ATP8A2: variants seen among roughly 807,000 people sequenced by gnomAD.
The protein encoded by ATP8A2 is ATPase phospholipid transporting 8A2.
A neutral mutation model predicts 165.6 loss-of-function variants in ATP8A2; 100 were observed. The ratio of observed to expected loss-of-function variants is 0.60; its 90% CI spans 0.51 to 0.71. The LOEUF is 0.71. Ranked by LOEUF, ATP8A2 falls within the 30% of genes least tolerant of loss-of-function variation. ATP8A2 has a pLI of 0.00. For missense variants in ATP8A2, 1,227 were observed against 1,479.5 expected, an observed-to-expected ratio of 0.83 and a Z score of 2.80; for synonymous variants, 543 against 548.8, an observed-to-expected ratio of 0.99 and a Z score of 0.15.
Position 25,372,407 on chromosome 13 carries a change from G to A in ATP8A2, c.76+119G>A. 7 of 691,436 alleles carry A rather than the reference G, an allele frequency of 1.0e-5. No homozygotes were observed. The highest frequency in any genetic ancestry group is 1.2e-5 in the Non-Finnish European group (6 of 488,346). 42.8% of individuals were successfully genotyped at this position (691,436 alleles called of 1,614,324 possible). On this transcript the variant is annotated intron_variant, in intron 1 of 36. Coordinates refer to ENST00000381655, the MANE Select transcript of ATP8A2 (RefSeq NM_016529.6). The surrounding 1 kb of genome is among the most constrained non-coding windows in gnomAD (Gnocchi z 4.8). ...CCCGCTCCCCTCCCTGGGCTCCCTG[G>A]GCTCTCTGGGCTGCAGGATCCGCCG...
At position 25,418,773 on chromosome 13, in the gene ATP8A2, G is replaced by A. The variant is rs532998100; in HGVS notation, c.76+46485G>A. ...CAATGAAATGCTAGAATCAAATATC[G>A]CAGAAGGGTGTGAGTTCAACAGTTC... On this transcript the variant is annotated intron_variant, in intron 1 of 36. Coordinates refer to ENST00000381655, the MANE Select transcript of ATP8A2 (RefSeq NM_016529.6). 3.3e-5 allele frequency among the ~76,000 whole-genome samples: 5 copies of A among 152,132 alleles called. No homozygotes were observed. The South Asian group carries it at 8.3e-4, about 25-fold the overall frequency.
At chr13:25,897,902 T>C (rs1953609511) in intron 33 of ATP8A2, among the ~76,000 whole-genome samples, 2 of 152,238 alleles carry the variant, frequency 1.3e-5, no homozygotes, top group Admixed American at 1.3e-4. Flanking sequence ...CTTCAAGGAC[T>C]TCTCTGCATT....
intron 33 of ATP8A2, among the ~76,000 whole-genome samples, chr13:25,885,537 G>T (rs1866978135): frequency 6.6e-6 from 1 of 152,116 alleles, no homozygotes. Context: ...GAGCCTGCTG[G>T]GGTAATAGTG....
At chr13:25,834,168 A>AACTC (rs896547162) in intron 28 of ATP8A2, among the ~76,000 whole-genome samples, 10 of 152,252 alleles carry the variant, frequency 6.6e-5, no homozygotes, top group African/African-American at 2.4e-4. Context: ...AACATGCTCA[A>AACTC]ACTCACTGGT....
chr13:25,509,415 C>G lies in ATP8A2; in HGVS notation c.222-20584C>G, dbSNP rs966518100. ...GAATTATCTGTTCTTTCTATACAAACTATTTACAAAATTTTCTAAGAAACT... is the reference window on the plus strand; with the variant it reads ...GAATTATCTGTTCTTTCTATACAAAGTATTTACAAAATTTTCTAAGAAACT... On this transcript the variant is annotated intron_variant, in intron 2 of 36. Transcript: ENST00000381655. Among the ~76,000 whole-genome samples the G allele has an allele frequency of 2.0e-5, 3 of 152,014 alleles. No individual in the cohort carries two copies. The East Asian group carries it at 5.8e-4, about 29-fold the overall frequency.
At position 26,017,681 on chromosome 13, in the gene ATP8A2, C is replaced by T. The variant is rs76354705; in HGVS notation, c.3470-2207C>T. Among the ~76,000 whole-genome samples the T allele has an allele frequency of 7.7e-3, 1,179 of 152,314 alleles. 17 individuals carry two copies. Among genetic ancestry groups the T allele is most frequent in the African/African-American group, 0.028 (1,146 of 41,576 alleles). ...TGCTCTTCGGTGCTTGAAAGCAGAT[C>T]ATGTGAAAACTCTAAAGCCCTGAGA... On this transcript the variant is annotated intron_variant, in intron 36 of 36. Transcript: ENST00000381655.
intron 25 of ATP8A2, among the ~76,000 whole-genome samples, chr13:25,761,821 G>A (rs143944524): frequency 1.1e-4 from 16 of 151,930 alleles, no homozygotes; most frequent in African/African-American, 3.6e-4. Flanking sequence ...CTTTTGTGAG[G>A]TGTTATGCAG....
intron 33 of ATP8A2, among the ~76,000 whole-genome samples, chr13:25,904,559 G>A (rs954578052): frequency 3.3e-5 from 5 of 152,266 alleles, no homozygotes; most frequent in African/African-American, 1.2e-4. Flanking sequence ...GCTGCCTCGT[G>A]CCCTCCCTTG....
chr13:25,421,751 G>A (rs1432745610), intron 1 of ATP8A2, among the ~76,000 whole-genome samples: 4 of 152,338 alleles, frequency 2.6e-5, no homozygotes, highest in South Asian at 2.1e-4. Context: ...AAACAAACAT[G>A]GAGTTTGATC....
chr13:25,888,395 A>G (rs1953234060), intron 33 of ATP8A2, among the ~76,000 whole-genome samples: 2 of 152,252 alleles, frequency 1.3e-5, no homozygotes, highest in Non-Finnish European at 2.9e-5. Context: ...ATTGGCTGAT[A>G]AGGGGACTTT....
chr13:26,002,733 C>T lies in ATP8A2; in HGVS notation c.3378-9798C>T, dbSNP rs192699020. 9.1e-4 allele frequency among the ~76,000 whole-genome samples: 138 copies of T among 152,144 alleles called. 2 individuals carry two copies. The highest frequency in any genetic ancestry group is 3.2e-3 in the African/African-American group (131 of 41,510). ...TTAAGATTCCATATATAAATGAGATCATGCAGCACTTGTCTTACTGTGCCC... is the reference window on the plus strand; with the variant it reads ...TTAAGATTCCATATATAAATGAGATTATGCAGCACTTGTCTTACTGTGCCC... On this transcript the variant is annotated intron_variant, in intron 35 of 36. Coordinates refer to ENST00000381655, the MANE Select transcript of ATP8A2 (RefSeq NM_016529.6).
intron 33 of ATP8A2, among the ~76,000 whole-genome samples, chr13:25,949,302 G>T (rs998298333): frequency 5.9e-5 from 9 of 152,186 alleles, no homozygotes; most frequent in African/African-American, 1.9e-4. Context: ...CCCATCTCAG[G>T]GCTCCTCATT....
At chr13:25,838,164 G>T (rs1951668552) in intron 29 of ATP8A2, among the ~76,000 whole-genome samples, 1 of 152,204 alleles carries the variant, frequency 6.6e-6, no homozygotes, top group African/African-American at 2.4e-5. Context: ...TGATTTGCGT[G>T]CATGGTTCCT....
intron 1 of ATP8A2, among the ~76,000 whole-genome samples, chr13:25,406,240 T>A (rs144799572): frequency 6.6e-6 from 1 of 152,184 alleles, no homozygotes; most frequent in Non-Finnish European, 1.5e-5. Flanking sequence ...GGCAGAGAGA[T>A]GGTGGCATCC....
intron 24 of ATP8A2, among the ~76,000 whole-genome samples, chr13:25,631,713 T>C (rs1490615786): frequency 6.6e-6 from 1 of 152,162 alleles, no homozygotes; most frequent in Non-Finnish European, 1.5e-5. Flanking sequence ...TTACAATGTT[T>C]TGCAGGGGTA....
chr13:25,715,132 G>A (rs2138000356), intron 25 of ATP8A2, among the ~76,000 whole-genome samples: 1 of 152,260 alleles, frequency 6.6e-6, no homozygotes, highest in South Asian at 2.1e-4. Flanking sequence ...AGTTCATTAG[G>A]TTAGTGTCTA....
intron 4 of ATP8A2, among the ~76,000 whole-genome samples, chr13:25,531,327 TATATATATGTTATATATG>T (rs1566229703): frequency 9.2e-4 from 77 of 83,338 alleles, no homozygotes; most frequent in South Asian, 8.6e-3. Context: ...TTATATATGA[TATATATATGTTATATATG>T]ATATATATGT....
At chr13:25,719,524 C>T (rs1362135960) in intron 25 of ATP8A2, among the ~76,000 whole-genome samples, 1 of 152,002 alleles carries the variant, frequency 6.6e-6, no homozygotes, top group Admixed American at 6.6e-5. Context: ...TAGATAGATA[C>T]TTGCAGCAAG....
intron 35 of ATP8A2, among the ~76,000 whole-genome samples, chr13:25,985,877 G>A (rs1385416222): frequency 6.6e-6 from 1 of 152,198 alleles, no homozygotes; most frequent in African/African-American, 2.4e-5. Flanking sequence ...TTGGGGTGGG[G>A]GTATCACTGT....
Sources: gnomAD v4.1 joint callset for allele counts (sites outside exome capture counted in the v4.1 genomes callset) on GRCh38, gnomAD v4.1.1 for gene constraint, Gnocchi (gnomAD v3.1) non-coding constraint, MANE v1.5 for transcripts, NCBI Gene and HGNC (gene_info 2026-07-23, HGNC 2026-07-21) for gene names.